Variants in THSD4 observed in about 807,000 individuals in gnomAD.
THSD4 encodes the protein thrombospondin type-1 domain-containing protein 4.
A neutral mutation model predicts 119.0 loss-of-function variants in THSD4; 69 were observed. The ratio of observed to expected loss-of-function variants is 0.58; its 90% CI spans 0.48 to 0.71. The LOEUF (loss-of-function observed/expected upper bound fraction) is 0.71, where lower values mean the gene tolerates loss of function less well. Among genes scored for constraint, THSD4 ranks in the 30% least tolerant of loss-of-function variants. The pLI, the probability that THSD4 is intolerant of heterozygous loss-of-function variation, is 0.00. For synonymous variants in THSD4, 524 were observed against 540.4 expected (o/e 0.97, Z 0.42); for missense variants, 1,393 against 1,391.1 (o/e 1.00, Z -0.02).
intron 7 of THSD4, among the ~76,000 whole-genome samples, chr15:71,438,347 A>G (rs950835901): frequency 6.6e-6 from 1 of 152,044 alleles, no homozygotes; most frequent in African/African-American, 2.4e-5. Flanking sequence ...TTTGCCATGC[A>G]GAAGTTTCAC....
intron 6 of THSD4, among the ~76,000 whole-genome samples, chr15:71,280,611 CCTCT>C (rs202107485): frequency 0.048 from 7,271 of 151,490 alleles, 398 homozygotes; most frequent in African/African-American, 0.13. Context: ...TCCCTCCCTC[CCTCT>C]CTCTCTCATT....
chr15:71,615,348 A>G (rs1481032141), intron 7 of THSD4, among the ~76,000 whole-genome samples: 4 of 152,230 alleles, frequency 2.6e-5, no homozygotes, highest in Non-Finnish European at 5.9e-5. Context: ...GTAGATAGGT[A>G]CGTAAGTAAA....
At chr15:71,394,076 A>AT (rs1215564486) in intron 6 of THSD4, among the ~76,000 whole-genome samples, 23 of 69,344 alleles carry the variant, frequency 3.3e-4, no homozygotes, top group Admixed American at 5.6e-4. Flanking sequence ...CAGATACACA[A>AT]TATTTTTTTT....
intron 7 of THSD4, among the ~76,000 whole-genome samples, chr15:71,436,856 T>C (rs1276706549): frequency 6.6e-6 from 1 of 152,154 alleles, no homozygotes; most frequent in Admixed American, 6.5e-5. Context: ...ATGAATGGAC[T>C]TGGAGAACAC....
At chr15:71,257,835 A>G (rs536979983) in intron 6 of THSD4, among the ~76,000 whole-genome samples, 2 of 152,182 alleles carry the variant, frequency 1.3e-5, no homozygotes, top group South Asian at 4.2e-4. Flanking sequence ...TTAAGAACTA[A>G]CTTGACTGAA....
At chr15:71,459,074 A>T (rs1389167243) in intron 7 of THSD4, among the ~76,000 whole-genome samples, 8 of 151,936 alleles carry the variant, frequency 5.3e-5, no homozygotes, top group African/African-American at 1.9e-4. Flanking sequence ...TGAAAGGTAT[A>T]CTTTACACAG....
intron 6 of THSD4, among the ~76,000 whole-genome samples, chr15:71,359,949 G>C (rs914990161): frequency 3.3e-5 from 5 of 152,192 alleles, no homozygotes; most frequent in Admixed American, 6.5e-5. Context: ...TGTTTTAGCT[G>C]TCTATTGCTG....
chr15:71,574,378 A>C (rs981796024), intron 7 of THSD4, among the ~76,000 whole-genome samples: 1 of 152,194 alleles, frequency 6.6e-6, no homozygotes. Flanking sequence ...TATTTTTCAT[A>C]TAATTAAAAG....
chr15:71,552,785 T>A (rs2048952591), intron 7 of THSD4, among the ~76,000 whole-genome samples: 1 of 152,186 alleles, frequency 6.6e-6, no homozygotes, highest in Non-Finnish European at 1.5e-5. Context: ...TAGCTGGGAT[T>A]ACAGGTGCCC....
chr15:71,346,153 C>T (rs1249515214), intron 6 of THSD4, among the ~76,000 whole-genome samples: 1 of 152,118 alleles, frequency 6.6e-6, no homozygotes, highest in Non-Finnish European at 1.5e-5. Flanking sequence ...GGAAGTATTT[C>T]TTATTCTCTT....
At chr15:71,747,530 T>A (rs2053363186) in intron 13 of THSD4, among the ~76,000 whole-genome samples, 1 of 152,226 alleles carries the variant, frequency 6.6e-6, no homozygotes, top group African/African-American at 2.4e-5. Context: ...CAAAGTCTGT[T>A]ACAAGTTGAA....
chr15:71,612,347 G>A (rs375049777), intron 7 of THSD4, among the ~76,000 whole-genome samples: 15 of 152,348 alleles, frequency 9.8e-5, no homozygotes, highest in African/African-American at 3.6e-4. Flanking sequence ...GATTTCTTCT[G>A]CAAACCTCTT....
chr15:71,494,618 A>G (rs911605478), intron 7 of THSD4, among the ~76,000 whole-genome samples: 3 of 150,834 alleles, frequency 2.0e-5, no homozygotes, highest in African/African-American at 7.4e-5. Flanking sequence ...AGTGAATTTG[A>G]TATTTTTCTT....
chr15:71,665,265 A>G (rs890522969), intron 8 of THSD4, among the ~76,000 whole-genome samples: 3 of 152,182 alleles, frequency 2.0e-5, no homozygotes, highest in Middle Eastern at 3.4e-3. Flanking sequence ...GCTTTTTTGC[A>G]TATGCTTGTT....
chr15:71,606,681 C>T (rs1287327019), intron 7 of THSD4, among the ~76,000 whole-genome samples: 2 of 152,196 alleles, frequency 1.3e-5, no homozygotes, highest in Non-Finnish European at 2.9e-5. Context: ...GCTGGGATTA[C>T]AGGCATGTGC....
intron 4 of THSD4, among the ~76,000 whole-genome samples, chr15:71,217,677 C>CTT (rs2043946025): frequency 6.6e-6 from 1 of 151,022 alleles, no homozygotes; most frequent in African/African-American, 2.4e-5. Flanking sequence ...ACCAAACTGA[C>CTT]AAAAGCCTGA....
intron 7 of THSD4, among the ~76,000 whole-genome samples, chr15:71,582,007 A>C (rs1324450529): frequency 2.6e-5 from 4 of 151,978 alleles, no homozygotes; most frequent in Middle Eastern, 3.2e-3. Flanking sequence ...TTGTGGTTTT[A>C]TTTGAATTTT....
At chr15:71,214,170 G>T (rs561872662) in intron 3 of THSD4, among the ~76,000 whole-genome samples, 1 of 144,568 alleles carries the variant, frequency 6.9e-6, no homozygotes, top group South Asian at 2.2e-4. Context: ...AAAATGGACC[G>T]ATCAGCACTC....
rs1036853726 is a variant in THSD4, at chr15:71,325,694, G to A, written c.1015+68979G>A. On this transcript the variant is annotated intron_variant, in intron 6 of 17. Coordinates refer to ENST00000261862, the MANE Select transcript of THSD4 (RefSeq NM_024817.3). ...ACTGACTGCTTAGGAATTTTTTTTC[G>A]AACCTCTTGTGATTGAGGCTCAGCT... 2.2e-4 allele frequency among the ~76,000 whole-genome samples: 34 copies of A among 151,768 alleles called. 1 individual carries two copies. Among genetic ancestry groups the A allele is most frequent in the Admixed American group, 1.2e-3 (18 of 15,252 alleles).
Sources: gnomAD v4.1 joint callset for allele counts (sites outside exome capture counted in the v4.1 genomes callset) on GRCh38, gnomAD v4.1.1 for gene constraint, MANE v1.5 for transcripts, NCBI Gene and HGNC (gene_info 2026-07-23, HGNC 2026-07-21) for gene names.